Variants in PSD3 observed in about 807,000 individuals in gnomAD.
PSD3 encodes PH and SEC7 domain-containing protein 3.
A neutral mutation model predicts 105.5 loss-of-function variants in PSD3; 49 were observed. The ratio of observed to expected loss-of-function variants is 0.46; its 90% CI spans 0.37 to 0.59. The LOEUF is 0.59. Among genes scored for constraint, PSD3 ranks in the 20% least tolerant of loss-of-function variants. PSD3 has a pLI of 0.00. For missense variants in PSD3, 1,561 were observed against 1,263.8 expected (o/e 1.24, Z -3.57); for synonymous variants, 557 against 457.8 (o/e 1.22, Z -2.77).
chr8:18,990,286 G>A (rs762539070), intron 1 of PSD3, among the ~76,000 whole-genome samples: 16 of 152,228 alleles, frequency 1.1e-4, no homozygotes, highest in Non-Finnish European at 1.5e-5. Context: ...TCCTTTAGCC[G>A]TAAGGCCCTG....
At chr8:18,650,042 G>A (rs1023770897) in intron 10 of PSD3, among the ~76,000 whole-genome samples, 4 of 152,214 alleles carry the variant, frequency 2.6e-5, no homozygotes, top group African/African-American at 9.6e-5. Flanking sequence ...TGCAAGAACA[G>A]ACTAAAACAG....
intron 4 of PSD3, among the ~76,000 whole-genome samples, chr8:18,859,781 G>C (rs1264432889): frequency 6.6e-6 from 1 of 152,232 alleles, no homozygotes; most frequent in Non-Finnish European, 1.5e-5. Flanking sequence ...ATTGAAGAGA[G>C]TTAGAGCCTT....
At chr8:18,674,020 G>A (rs1193557410) in intron 9 of PSD3, among the ~76,000 whole-genome samples, 1 of 152,120 alleles carries the variant, frequency 6.6e-6, no homozygotes, top group Non-Finnish European at 1.5e-5. Context: ...GTGTGTGCCT[G>A]TGGCTCCTGC....
chr8:18,848,972 C>T (rs1185504164), intron 4 of PSD3, among the ~76,000 whole-genome samples: 1 of 152,160 alleles, frequency 6.6e-6, no homozygotes, highest in Non-Finnish European at 1.5e-5. Context: ...AGCTGTAATG[C>T]AAGATGAGAC....
chr8:19,069,558 A>G (rs1219011712), intron 1 of PSD3, among the ~76,000 whole-genome samples: 1 of 152,208 alleles, frequency 6.6e-6, no homozygotes, highest in African/African-American at 2.4e-5. Context: ...TTTGTACACA[A>G]ATACTTGAAA....
At chr8:18,586,447 G>A (rs893641460) in intron 12 of PSD3, among the ~76,000 whole-genome samples, 2 of 152,096 alleles carry the variant, frequency 1.3e-5, no homozygotes, top group Admixed American at 6.6e-5. Flanking sequence ...ATCATTATAC[G>A]CTATTACGTA....
intron 2 of PSD3, among the ~76,000 whole-genome samples, chr8:18,907,169 C>T (rs758825316): frequency 8.5e-5 from 13 of 152,098 alleles, no homozygotes; most frequent in African/African-American, 2.2e-4. Flanking sequence ...ATAAATTTAG[C>T]GTAGCCTAAG....
Position 19,029,853 on chromosome 8 carries a change from G to A in PSD3, c.324+54353C>T, listed in dbSNP as rs147020001. ...AATTTTATTTTTGTATGTCGATCTT[G>A]CATTCTGTGACCTTGCTAAACTCAC... On this transcript the variant is annotated intron_variant, in intron 1 of 1. Coordinates refer to the PSD3 transcript ENST00000521475. Among the ~76,000 whole-genome samples the A allele has an allele frequency of 9.4e-4, 143 of 152,172 alleles. 1 individual carries two copies. The highest frequency in any genetic ancestry group is 3.2e-3 in the African/African-American group (132 of 41,524).
chr8:19,015,799 T>C (rs957760682), upstream of PSD3, among the ~76,000 whole-genome samples: 1 of 152,226 alleles, frequency 6.6e-6, no homozygotes, highest in Non-Finnish European at 1.5e-5. Context: ...CTATAGTGAA[T>C]GTTCAATAGA....
intron 4 of PSD3, among the ~76,000 whole-genome samples, chr8:18,826,360 G>A (rs984401006): frequency 2.0e-5 from 3 of 152,076 alleles, no homozygotes; most frequent in Non-Finnish European, 4.4e-5. Context: ...AATTTCTCTG[G>A]AGAATCCTGT....
chr8:18,995,085 C>A (rs1280643646), intron 1 of PSD3, among the ~76,000 whole-genome samples: 1 of 152,124 alleles, frequency 6.6e-6, no homozygotes, highest in Non-Finnish European at 1.5e-5. Flanking sequence ...TGCTTTCCAG[C>A]AAGGGAGCTG....
chr8:18,671,303 C>A (rs555842504), intron 9 of PSD3, among the ~76,000 whole-genome samples: 1 of 152,298 alleles, frequency 6.6e-6, no homozygotes, highest in Non-Finnish European at 1.5e-5. Flanking sequence ...AAGATGCTCA[C>A]TTAAATTTGA....
intron 9 of PSD3, among the ~76,000 whole-genome samples, chr8:18,664,939 C>T (rs1024049064): frequency 3.3e-5 from 5 of 152,168 alleles, no homozygotes; most frequent in Non-Finnish European, 7.3e-5. Flanking sequence ...ATTTTTAGTC[C>T]ATTGTCGAGA....
intron 9 of PSD3, among the ~76,000 whole-genome samples, chr8:18,749,030 G>A (rs1805262678): frequency 6.6e-6 from 1 of 152,186 alleles, no homozygotes; most frequent in South Asian, 2.1e-4. Context: ...AGAGAAGGTG[G>A]TACAACAATC....
chr8:18,783,383 T>C (rs1269079795), intron 8 of PSD3, among the ~76,000 whole-genome samples: 5 of 152,194 alleles, frequency 3.3e-5, no homozygotes, highest in Non-Finnish European at 4.4e-5. Context: ...CTTTTGTCAG[T>C]TGTTGATCTT....
At chr8:18,595,932 C>A (rs1348178461) in intron 12 of PSD3, among the ~76,000 whole-genome samples, 1 of 152,022 alleles carries the variant, frequency 6.6e-6, no homozygotes, top group East Asian at 1.9e-4. Flanking sequence ...GAACATTCCA[C>A]TCAACAGCAT....
intron 2 of PSD3, among the ~76,000 whole-genome samples, chr8:18,914,199 G>GGA (rs1820429653): frequency 7.2e-6 from 1 of 138,142 alleles, no homozygotes; most frequent in East Asian, 2.2e-4. Flanking sequence ...TCATGATAAA[G>GGA]AAAAAAAAAA....
chr8:19,032,928 C>T (rs1827819138), intron 1 of PSD3, among the ~76,000 whole-genome samples: 1 of 151,862 alleles, frequency 6.6e-6, no homozygotes, highest in Admixed American at 6.6e-5. Context: ...AGGAAAATGC[C>T]ACATAAATGT....
chr8:18,607,597 G>C (rs1359144882), intron 11 of PSD3, among the ~76,000 whole-genome samples: 2 of 146,800 alleles, frequency 1.4e-5, no homozygotes, highest in African/African-American at 4.9e-5. Flanking sequence ...TGGGATCTAG[G>C]AGTGATATTA....
Sources: gnomAD v4.1 joint callset for allele counts (sites outside exome capture counted in the v4.1 genomes callset) on GRCh38, gnomAD v4.1.1 for gene constraint, MANE v1.5 for transcripts, NCBI Gene and HGNC (gene_info 2026-07-23, HGNC 2026-07-21) for gene names.